Variants in MTREX observed in about 807,000 individuals in gnomAD.
MTREX encodes Mtr4 exosome RNA helicase.
In MTREX, 76 loss-of-function variants were observed where a neutral mutation model predicts 135.4. The ratio of observed to expected loss-of-function variants is 0.56; its 90% CI spans 0.47 to 0.68. The LOEUF (loss-of-function observed/expected upper bound fraction) is 0.68. Ranked by LOEUF, MTREX falls within the 30% of genes least tolerant of loss-of-function variation. The probability of loss-of-function intolerance (pLI) is 0.00; values close to 1 mark genes in which losing one functional copy is unlikely to be tolerated. For synonymous variants in MTREX, 404 were observed against 401.6 expected, an observed-to-expected ratio of 1.01 and a Z score of -0.07; for missense variants, 920 against 1,262.1, an observed-to-expected ratio of 0.73 and a Z score of 4.11.
At chr5:55,401,363 A>G (rs1358723399) in intron 21 of MTREX, among the ~76,000 whole-genome samples, 1 of 152,194 alleles carries the variant, frequency 6.6e-6, no homozygotes, top group African/African-American at 2.4e-5. Context: ...TTATGTGGAT[A>G]TGCCATATTT....
chr5:55,309,577 G>T (rs1749073995), intron 1 of MTREX, among the ~76,000 whole-genome samples: 1 of 152,068 alleles, frequency 6.6e-6, no homozygotes, highest in Admixed American at 6.6e-5. Flanking sequence ...TGTTTAATTT[G>T]CATGTCAGGG....
chr5:55,373,651 A>T (rs1194840663), intron 16 of MTREX, among the ~76,000 whole-genome samples: 1 of 152,106 alleles, frequency 6.6e-6, no homozygotes, highest in African/African-American at 2.4e-5. Context: ...AGACATAAAG[A>T]GGAAGTTGTA....
chr5:55,346,600 T>A (rs1195841665), intron 10 of MTREX, among the ~76,000 whole-genome samples: 4 of 152,222 alleles, frequency 2.6e-5, no homozygotes. Flanking sequence ...ATGTTGAACA[T>A]TTTTTCATGT....
At chr5:55,311,446 C>T (rs1749110539) in intron 1 of MTREX, among the ~76,000 whole-genome samples, 1 of 152,142 alleles carries the variant, frequency 6.6e-6, no homozygotes, top group Non-Finnish European at 1.5e-5. Context: ...CTACAACAGC[C>T]TCCCTCTTTT....
chr5:55,340,284 T>A, intron 6 of MTREX, 100 bp downstream of exon 6: 1 of 818,298 alleles, frequency 1.2e-6, no homozygotes, highest in Non-Finnish European at 1.8e-6. Context: ...TCTACTTAGG[T>A]AAAGTATAGT....
intron 22 of MTREX, among the ~76,000 whole-genome samples, chr5:55,406,217 GT>G (rs1750803156): frequency 6.6e-6 from 1 of 152,148 alleles, no homozygotes; most frequent in Non-Finnish European, 1.5e-5. Flanking sequence ...TCCTCTTATT[GT>G]TTTTATGGGT....
intron 19 of MTREX, among the ~76,000 whole-genome samples, chr5:55,390,405 A>T (rs1488791602): frequency 6.6e-6 from 1 of 152,062 alleles, no homozygotes; most frequent in Non-Finnish European, 1.5e-5. Flanking sequence ...CTGGCCTTGA[A>T]GACTACTTTC....
intron 21 of MTREX, among the ~76,000 whole-genome samples, chr5:55,402,762 ATT>A (rs1750741440): frequency 6.7e-6 from 1 of 148,994 alleles, no homozygotes; most frequent in Non-Finnish European, 1.5e-5. Flanking sequence ...CCTCCCCATC[ATT>A]GTCTATAATG....
At chr5:55,369,915 C>CTTTTTTTTT (rs60011222) in intron 16 of MTREX, among the ~76,000 whole-genome samples, 3 of 141,426 alleles carry the variant, frequency 2.1e-5, no homozygotes, top group Non-Finnish European at 3.1e-5. Flanking sequence ...TTTCTTTTTT[C>CTTTTTTTTT]TTTTTTTTTT....
chr5:55,414,018 C>T (rs1239024411), intron 23 of MTREX, among the ~76,000 whole-genome samples, 164 bp from the exon 24 acceptor site: 1 of 152,124 alleles, frequency 6.6e-6, no homozygotes, highest in Non-Finnish European at 1.5e-5. Flanking sequence ...AGTGATTTTG[C>T]CTGTGTAAAC....
At chr5:55,424,511 A>T (rs1006128416) in intron 26 of MTREX, 2 of 491,972 alleles carry the variant, frequency 4.1e-6, no homozygotes, top group Admixed American at 6.7e-5. Context: ...AGTATTTCAG[A>T]GTCAAAAGAA....
chr5:55,419,187 T>C (rs754345570), intron 25 of MTREX, among the ~76,000 whole-genome samples: 8 of 152,212 alleles, frequency 5.3e-5, no homozygotes, highest in Non-Finnish European at 1.2e-4. Flanking sequence ...ATCAAAGCTG[T>C]AGCACACAGT....
At chr5:55,422,389 G>A (rs1751068562) in intron 25 of MTREX, among the ~76,000 whole-genome samples, 1 of 152,182 alleles carries the variant, frequency 6.6e-6, no homozygotes, top group Non-Finnish European at 1.5e-5. Flanking sequence ...GTTTTATCTT[G>A]TTACTCTCCT....
At chr5:55,417,065 T>C (rs1750977161) in intron 25 of MTREX, among the ~76,000 whole-genome samples, 1 of 152,140 alleles carries the variant, frequency 6.6e-6, no homozygotes, top group Non-Finnish European at 1.5e-5. Flanking sequence ...ACATTGAACT[T>C]TATGGGTTTT....
intron 5 of MTREX, among the ~76,000 whole-genome samples, chr5:55,335,804 A>C (rs1244393065): frequency 1.3e-5 from 2 of 152,098 alleles, no homozygotes; most frequent in Non-Finnish European, 2.9e-5. Flanking sequence ...AGCCCATTTT[A>C]ATTTTGATAG....
intron 18 of MTREX, among the ~76,000 whole-genome samples, chr5:55,383,829 G>C (rs1328764696): frequency 2.0e-5 from 3 of 152,122 alleles, no homozygotes; most frequent in Non-Finnish European, 4.4e-5. Context: ...GAGTGCAGTG[G>C]TGCAATCATG....
chr5:55,342,097 A>G (rs1749658775), intron 7 of MTREX, among the ~76,000 whole-genome samples: 1 of 152,066 alleles, frequency 6.6e-6, no homozygotes, highest in African/African-American at 2.4e-5. Context: ...ATTAGTAGAG[A>G]TGGCGTCTCA....
intron 22 of MTREX, among the ~76,000 whole-genome samples, chr5:55,406,918 G>A (rs1750817282): frequency 1.3e-5 from 2 of 152,098 alleles, no homozygotes; most frequent in East Asian, 1.9e-4. Context: ...TTCCCACCAC[G>A]AGGAATGTCT....
chr5:55,340,692 C>T (rs1749634399), intron 6 of MTREX, among the ~76,000 whole-genome samples: 1 of 152,204 alleles, frequency 6.6e-6, no homozygotes, highest in Admixed American at 6.5e-5. Context: ...CGCCATTCTC[C>T]TGCCTCAGCC....
Sources: gnomAD v4.1 joint callset for allele counts (sites outside exome capture counted in the v4.1 genomes callset) on GRCh38, gnomAD v4.1.1 for gene constraint, MANE v1.5 for transcripts, NCBI Gene and HGNC (gene_info 2026-07-23, HGNC 2026-07-21) for gene names.